Variants in EPHB1 observed in about 807,000 individuals in gnomAD.
EPHB1 encodes EPH receptor B1, also known as ephrin type-B receptor 1.
A neutral mutation model predicts 94.4 loss-of-function variants in EPHB1; 30 were observed. That is an observed-to-expected ratio of 0.32 (90% CI 0.24 to 0.43). The LOEUF (loss-of-function observed/expected upper bound fraction) is 0.43. Among genes scored for constraint, EPHB1 ranks in the 20% least tolerant of loss-of-function variants. EPHB1 has a pLI of 1.00. For missense variants in EPHB1, 1,055 were observed against 1,308.3 expected (o/e 0.81, Z 2.99); for synonymous variants, 522 against 489.1 (o/e 1.07, Z -0.89).
At chr3:134,875,139 A>C (rs925732348) in intron 1 of EPHB1, among the ~76,000 whole-genome samples, 7 of 152,148 alleles carry the variant, frequency 4.6e-5, no homozygotes, top group Non-Finnish European at 7.4e-5. Context: ...CAGAATCTCC[A>C]GGGGTGGAGG....
intron 1 of EPHB1, among the ~76,000 whole-genome samples, chr3:134,917,635 TA>T (rs1454183392): frequency 3.9e-5 from 6 of 152,232 alleles, no homozygotes; most frequent in Non-Finnish European, 7.3e-5. Context: ...GTATGTCCTT[TA>T]AAAGAGCAAA....
chr3:134,868,588 G>C (rs574879720), intron 1 of EPHB1, among the ~76,000 whole-genome samples: 2 of 152,280 alleles, frequency 1.3e-5, no homozygotes, highest in Non-Finnish European at 1.5e-5. Context: ...CTTTGAAGAG[G>C]GAAAGGATCT....
chr3:134,943,470 G>A (rs1232245450), intron 2 of EPHB1, among the ~76,000 whole-genome samples: 1 of 152,246 alleles, frequency 6.6e-6, no homozygotes, highest in African/African-American at 2.4e-5. Context: ...CAGATGGGGG[G>A]ATATGGATGG....
chr3:134,824,720 C>G (rs1161779511), intron 1 of EPHB1, among the ~76,000 whole-genome samples: 1 of 152,180 alleles, frequency 6.6e-6, no homozygotes, highest in African/African-American at 2.4e-5. Flanking sequence ...TCTAGGGACT[C>G]TAGCTGTTAG....
chr3:134,964,171 T>A (rs1182213205), intron 3 of EPHB1, among the ~76,000 whole-genome samples: 2 of 152,130 alleles, frequency 1.3e-5, no homozygotes, highest in African/African-American at 4.8e-5. Context: ...TGCATTAGGA[T>A]GTATAAGAAA....
chr3:135,179,754 A>T, intron 9 of EPHB1, 106 bp from the exon 10 acceptor site: 1 of 1,384,548 alleles, frequency 7.2e-7, no homozygotes, highest in South Asian at 1.3e-5. Context: ...CCTGGTGTGT[A>T]GGAGAGCTCC....
rs1012189040 is a variant in EPHB1, at chr3:135,252,186, ATTTTAT to A, written c.2846+2706_2846+2711del. Among the ~76,000 whole-genome samples, 127 of 150,736 alleles carry A rather than the reference ATTTTAT, an allele frequency of 8.4e-4. 1 individual carries two copies. The highest frequency in any genetic ancestry group is 7.2e-3 in the Admixed American group (110 of 15,174). On this transcript the variant is annotated intron_variant, in intron 15 of 15. Transcript: ENST00000398015. ...TTTTTTCTGTCCATAGCTTAATTTT[ATTTTAT>A]TTTTATTTTTTAATATTTTTTATTT...
chr3:135,175,422 C>T (rs953459076), intron 9 of EPHB1, among the ~76,000 whole-genome samples: 2 of 152,152 alleles, frequency 1.3e-5, no homozygotes, highest in Admixed American at 6.5e-5. Flanking sequence ...TTATAATTCT[C>T]CTGAGACTAT....
chr3:135,031,268 C>T lies in EPHB1; in HGVS notation c.806-75180C>T, dbSNP rs571306188. Among the ~76,000 whole-genome samples the T allele has an allele frequency of 1.2e-3, 182 of 152,090 alleles. 1 individual carries two copies. The highest frequency in any genetic ancestry group is 2.3e-3 in the Non-Finnish European group (154 of 67,962). Reference sequence around the variant, plus strand: ...CTCCCTCAAGAAGGTTACAAAGAATCCCTTCTCTCTTTTCTTCCTTCTCTC... The same window carrying T: ...CTCCCTCAAGAAGGTTACAAAGAATTCCTTCTCTCTTTTCTTCCTTCTCTC... On this transcript the variant is annotated intron_variant, in intron 3 of 15. Coordinates refer to ENST00000398015, the MANE Select transcript of EPHB1 (RefSeq NM_004441.5).
chr3:135,068,981 A>C (rs953991466), intron 3 of EPHB1, among the ~76,000 whole-genome samples: 1 of 149,912 alleles, frequency 6.7e-6, no homozygotes, highest in African/African-American at 2.4e-5. Flanking sequence ...AATAATAGGT[A>C]AACTGGGTTT....
Position 135,154,136 on chromosome 3 carries a change from C to T in EPHB1, c.1298-16C>T, listed in dbSNP as rs751289843. 5.0e-6 allele frequency: 8 copies of T among 1,613,856 alleles called. No individual in the cohort carries two copies. Among genetic ancestry groups the T allele is most frequent in the Non-Finnish European group, 5.9e-6 (7 of 1,179,802 alleles). On this transcript the variant is annotated splice_polypyrimidine_tract_variant and intron_variant, in intron 5 of 15. Coordinates refer to ENST00000398015, the MANE Select transcript of EPHB1 (RefSeq NM_004441.5). Reference sequence around the variant, plus strand: ...GAGTGTCTGTTCAGCTACCCTGTTTCTTTCTCTCTCCACAGCCCCCTCCAC... The same window carrying T: ...GAGTGTCTGTTCAGCTACCCTGTTTTTTTCTCTCTCCACAGCCCCCTCCAC...
intron 4 of EPHB1, among the ~76,000 whole-genome samples, chr3:135,109,354 A>G (rs997449123): frequency 6.6e-6 from 1 of 152,174 alleles, no homozygotes; most frequent in African/African-American, 2.4e-5. Context: ...GCTTTCTTAC[A>G]TTCTGTCATT....
intron 9 of EPHB1, among the ~76,000 whole-genome samples, chr3:135,179,263 C>A (rs1942081561): frequency 1.3e-5 from 2 of 152,080 alleles, no homozygotes; most frequent in African/African-American, 4.8e-5. Flanking sequence ...GTAGACTTTG[C>A]TCTTTTCTCT....
At chr3:134,853,905 G>A (rs2037048398) in intron 1 of EPHB1, among the ~76,000 whole-genome samples, 1 of 152,138 alleles carries the variant, frequency 6.6e-6, no homozygotes, top group Non-Finnish European at 1.5e-5. Context: ...AGGACAGAGA[G>A]CCCATCCATC....
At chr3:135,115,625 T>C (rs1306531024) in intron 4 of EPHB1, among the ~76,000 whole-genome samples, 1 of 152,136 alleles carries the variant, frequency 6.6e-6, no homozygotes, top group East Asian at 1.9e-4. Flanking sequence ...GTGTGTCCGA[T>C]GCAGTCAAGT....
At chr3:134,961,594 T>A (rs1933523747) in intron 3 of EPHB1, among the ~76,000 whole-genome samples, 1 of 152,334 alleles carries the variant, frequency 6.6e-6, no homozygotes, top group Non-Finnish European at 1.5e-5. Flanking sequence ...AATATTCTCT[T>A]GCAGAGAGTC....
chr3:134,974,158 T>C (rs1241303906), intron 3 of EPHB1, among the ~76,000 whole-genome samples: 1 of 152,146 alleles, frequency 6.6e-6, no homozygotes, highest in Admixed American at 6.5e-5. Context: ...TCTCCCCAGA[T>C]ACATCTTCCT....
intron 3 of EPHB1, among the ~76,000 whole-genome samples, chr3:135,015,180 C>G (rs895896623): frequency 6.6e-6 from 1 of 152,072 alleles, no homozygotes; most frequent in Admixed American, 6.6e-5. Flanking sequence ...TTCTGTGGGC[C>G]GGACTGCCGC....
intron 1 of EPHB1, among the ~76,000 whole-genome samples, chr3:134,878,486 A>T (rs1285710105): frequency 1.3e-5 from 2 of 152,216 alleles, no homozygotes; most frequent in East Asian, 3.8e-4. Context: ...TAGAGAGAAG[A>T]TAGCTCCTCT....
Sources: allele counts gnomAD v4.1 joint callset (sites outside exome capture counted in the v4.1 genomes callset), GRCh38; gene constraint gnomAD v4.1.1; transcripts MANE v1.5; gene names NCBI Gene and HGNC (gene_info 2026-07-23, HGNC 2026-07-21).